The following SLIT2 variants were observed in gnomAD, a reference collection of about 807,000 sequenced individuals.
SLIT2 encodes the protein slit homolog 2 protein.
Under a neutral mutation model 185.7 loss-of-function variants are expected in SLIT2, and 41 were observed. That is an observed-to-expected ratio of 0.22 (90% CI 0.17 to 0.29). The LOEUF is 0.29. Among genes scored for constraint, SLIT2 ranks in the 10% least tolerant of loss-of-function variants. SLIT2 has a pLI of 1.00. For synonymous variants in SLIT2, 693 were observed against 680.2 expected (o/e 1.02, Z -0.29); for missense variants, 1,571 against 1,909.0 (o/e 0.82, Z 3.30).
At chr4:20,559,428 C>A (rs1189839150) in intron 26 of SLIT2, among the ~76,000 whole-genome samples, 2 of 151,912 alleles carry the variant, frequency 1.3e-5, no homozygotes, top group Non-Finnish European at 2.9e-5. Flanking sequence ...CTGAAACTTA[C>A]AGTGCCCTTT....
chr4:20,331,029 G>C (rs187124509), intron 4 of SLIT2, among the ~76,000 whole-genome samples: 1 of 152,140 alleles, frequency 6.6e-6, no homozygotes, highest in East Asian at 1.9e-4. Context: ...CTAAATTTCC[G>C]TATCTAACAA....
At chr4:20,524,685 A>G (rs1721130795) in intron 14 of SLIT2, among the ~76,000 whole-genome samples, 1 of 152,218 alleles carries the variant, frequency 6.6e-6, no homozygotes, top group Non-Finnish European at 1.5e-5. Context: ...CTTATTTTGC[A>G]TACAACCGTG....
At chr4:20,363,030 G>A (rs901205535) in intron 4 of SLIT2, among the ~76,000 whole-genome samples, 5 of 151,968 alleles carry the variant, frequency 3.3e-5, no homozygotes, top group African/African-American at 9.7e-5. Context: ...AGCACTCGTG[G>A]CTTATTGAAC....
chr4:20,255,247 A>G (rs1341063618), intron 1 of SLIT2, among the ~76,000 whole-genome samples: 1 of 152,206 alleles, frequency 6.6e-6, no homozygotes, highest in Non-Finnish European at 1.5e-5. Context: ...CCACCCGCGC[A>G]GCCCATTGCA....
intron 9 of SLIT2, among the ~76,000 whole-genome samples, chr4:20,502,985 C>T (rs1577800336): frequency 6.6e-6 from 1 of 152,132 alleles, no homozygotes; most frequent in East Asian, 1.9e-4. Flanking sequence ...CAGTTCATTC[C>T]CCTAAAACTT....
At chr4:20,556,475 C>G (rs1376816684) in intron 26 of SLIT2, among the ~76,000 whole-genome samples, 1 of 151,850 alleles carries the variant, frequency 6.6e-6, no homozygotes, top group African/African-American at 2.4e-5. Context: ...AAAATTATAA[C>G]ACAAATCTGA....
Position 20,617,015 on chromosome 4 carries a change from A to G in SLIT2, c.3953A>G (p.Gln1318Arg). 6.2e-7 allele frequency: 1 copy of G among 1,614,176 alleles called. No individual in the cohort carries two copies. The highest frequency in any genetic ancestry group is 8.5e-7 in the Non-Finnish European group (1 of 1,180,026). ...IRNLYINSEL[Q>R]DFQKVPMQTG... ...AACCTTTACATCAACAGTGAGCTGCAGGACTTCCAGAAGGTGCCGATGCAA... is the reference window on the plus strand; with the variant it reads ...AACCTTTACATCAACAGTGAGCTGCGGGACTTCCAGAAGGTGCCGATGCAA... The change falls in exon 35 of 37, where the codon CAG (glutamine) becomes CGG (arginine). Residue 1318 changes from glutamine (Q) to arginine (R), a missense_variant. Around this residue, in one of 3 missense-constraint regions of SLIT2, gnomAD observed 146 missense variants for 247.4 expected, o/e 0.59. Transcript: ENST00000504154.
chr4:20,260,685 T>C (rs1417120983), intron 3 of SLIT2, among the ~76,000 whole-genome samples: 1 of 151,822 alleles, frequency 6.6e-6, no homozygotes, highest in Admixed American at 6.6e-5. Context: ...CTTTTTAATC[T>C]GCAAGAAACA....
chr4:20,616,879 G>A (rs1366037285), intron 34 of SLIT2, 31 bp from the exon 35 acceptor site: 4 of 1,556,320 alleles, frequency 2.6e-6, no homozygotes, highest in East Asian at 2.3e-5. Flanking sequence ...TCCCCAGAGA[G>A]CCTGACCTCT....
chr4:20,435,975 GT>G (rs1729320752), intron 4 of SLIT2, among the ~76,000 whole-genome samples: 1 of 152,220 alleles, frequency 6.6e-6, no homozygotes, highest in South Asian at 2.1e-4. Context: ...TTTTGAATGA[GT>G]GAGTGAATGA....
At chr4:20,433,350 A>C (rs1206473927) in intron 4 of SLIT2, among the ~76,000 whole-genome samples, 1 of 152,230 alleles carries the variant, frequency 6.6e-6, no homozygotes, top group Admixed American at 6.5e-5. Context: ...CACAAAAGCA[A>C]TTAAACCCTA....
chr4:20,258,796 G>T (rs1310414987), intron 3 of SLIT2, among the ~76,000 whole-genome samples: 1 of 151,586 alleles, frequency 6.6e-6, no homozygotes, highest in Non-Finnish European at 1.5e-5. Flanking sequence ...TCTAGTAAAA[G>T]AAACAACAAT....
At chr4:20,473,073 G>C (rs1355412148) in intron 5 of SLIT2, among the ~76,000 whole-genome samples, 1 of 151,678 alleles carries the variant, frequency 6.6e-6, no homozygotes, top group African/African-American at 2.4e-5. Context: ...AATTCAAAAA[G>C]GACATATTTT....
chr4:20,608,733 A>C (rs1441137687), intron 33 of SLIT2, among the ~76,000 whole-genome samples: 1 of 152,170 alleles, frequency 6.6e-6, no homozygotes, highest in African/African-American at 2.4e-5. Context: ...AGTGGTGAGA[A>C]CCATGCAGAA....
At chr4:20,472,484 C>CTATATATATAGATATATATCTA (rs1171537168) in intron 5 of SLIT2, among the ~76,000 whole-genome samples, 2 of 14,714 alleles carry the variant, frequency 1.4e-4, no homozygotes, top group African/African-American at 7.5e-4. Flanking sequence ...AGATATATAT[C>CTATATATATAGATATATATCTA]TATATATAGA....
At chr4:20,532,548 C>G (rs1721902900) in intron 17 of SLIT2, among the ~76,000 whole-genome samples, 1 of 152,182 alleles carries the variant, frequency 6.6e-6, no homozygotes, top group Non-Finnish European at 1.5e-5. Flanking sequence ...ATAAGCTCAG[C>G]AGTTTCAGCA....
chr4:20,605,931 T>A (rs1000252557), intron 33 of SLIT2, among the ~76,000 whole-genome samples: 2 of 151,686 alleles, frequency 1.3e-5, no homozygotes, highest in Non-Finnish European at 2.9e-5. Context: ...TGTATTTTAG[T>A]AGAGACAGGG....
At chr4:20,291,445 C>G (rs1041116223) in intron 4 of SLIT2, among the ~76,000 whole-genome samples, 15 of 76,138 alleles carry the variant, frequency 2.0e-4, no homozygotes, top group Non-Finnish European at 2.4e-4. Context: ...CCTAAGAAAC[C>G]TCATATATAT....
chr4:20,333,675 T>A (rs1473084063), intron 4 of SLIT2, among the ~76,000 whole-genome samples: 1 of 152,182 alleles, frequency 6.6e-6, no homozygotes, highest in African/African-American at 2.4e-5. Flanking sequence ...CTTTAGCCAG[T>A]TCAATATGCC....
Sources: gnomAD v4.1 joint callset for allele counts (sites outside exome capture counted in the v4.1 genomes callset) on GRCh38, gnomAD v4.1.1 for gene constraint, gnomAD v4.1.1 regional missense constraint, MANE v1.5 for transcripts, NCBI Gene and HGNC (gene_info 2026-07-23, HGNC 2026-07-21) for gene names.